CNTN4: variants seen among roughly 807,000 people sequenced by gnomAD.
The protein encoded by CNTN4 is contactin-4.
CNTN4 carries 77 observed loss-of-function variants against 122.5 expected under a neutral mutation model. The observed-to-expected ratio is 0.63, with a 90% CI of 0.52 to 0.76. CNTN4 has a LOEUF of 0.76. Among genes scored for constraint, CNTN4 ranks in the 30% least tolerant of loss-of-function variants. CNTN4 has a pLI of 0.00. For synonymous variants in CNTN4, 512 were observed against 447.0 expected, an observed-to-expected ratio of 1.15 and a Z score of -1.83; for missense variants, 1,256 against 1,259.1, an observed-to-expected ratio of 1.00 and a Z score of 0.04.
At chr3:2,489,701 G>C (rs914717559) in intron 3 of CNTN4, among the ~76,000 whole-genome samples, 1 of 152,168 alleles carries the variant, frequency 6.6e-6, no homozygotes, top group Admixed American at 6.5e-5. Flanking sequence ...TTTAAAAAAT[G>C]TTTCTATAGG....
rs1367061497 is a variant in CNTN4 at position 2,652,021 on chromosome 3, GT to G, written c.55+80476del. 3.9e-3 allele frequency among the ~76,000 whole-genome samples: 564 copies of G among 143,768 alleles called. 4 individuals are homozygous for G. Among genetic ancestry groups the G allele is most frequent in the African/African-American group, 0.012 (455 of 39,498 alleles). The allele number at this position is 143,768 out of a possible 152,430, so 94.3% of individuals were successfully genotyped here. A position where few individuals can be genotyped will look rare whatever the true frequency, so the allele number is the denominator to read the frequency against. On this transcript the variant is annotated intron_variant, in intron 4 of 24. Transcript: ENST00000418658. The stretch of plus-strand genomic sequence containing the variant: ...CGCACCTGGCCAAAAAAAAGGTGTT[GT>G]TTTTTTTTTTTTAAATAGCCAGGTA...
chr3:2,998,813 G>A (rs947406214), intron 14 of CNTN4, among the ~76,000 whole-genome samples: 1 of 152,134 alleles, frequency 6.6e-6, no homozygotes, highest in Non-Finnish European at 1.5e-5. Context: ...CAAATACTTT[G>A]ATTCCCTTTT....
chr3:2,333,747 A>C (rs556706648), intron 2 of CNTN4, among the ~76,000 whole-genome samples: 1 of 152,318 alleles, frequency 6.6e-6, no homozygotes, highest in East Asian at 1.9e-4. Flanking sequence ...AAATGCATTT[A>C]AATGTAATCT....
chr3:2,186,031 T>G (rs2037240218), intron 2 of CNTN4, among the ~76,000 whole-genome samples: 1 of 152,174 alleles, frequency 6.6e-6, no homozygotes, highest in Non-Finnish European at 1.5e-5. Context: ...GCTGCACCCA[T>G]TAACTCGTCA....
At chr3:2,399,236 C>T (rs1254010219) in intron 3 of CNTN4, among the ~76,000 whole-genome samples, 3 of 152,000 alleles carry the variant, frequency 2.0e-5, no homozygotes, top group African/African-American at 4.8e-5. Flanking sequence ...GTTTAGATTC[C>T]TTATCACCAG....
At chr3:2,334,997 C>T (rs957383833) in intron 2 of CNTN4, among the ~76,000 whole-genome samples, 20 of 152,218 alleles carry the variant, frequency 1.3e-4, no homozygotes, top group Non-Finnish European at 5.9e-5. Flanking sequence ...TGACCTAGAC[C>T]TTGCCAGCTG....
chr3:2,930,928 T>G (rs1050659414), intron 13 of CNTN4, among the ~76,000 whole-genome samples: 4 of 152,228 alleles, frequency 2.6e-5, no homozygotes, highest in Non-Finnish European at 2.9e-5. Flanking sequence ...ATAAAGGTGA[T>G]GTATTGAGAA....
intron 2 of CNTN4, among the ~76,000 whole-genome samples, chr3:2,116,208 T>C (rs549141941): frequency 6.6e-6 from 1 of 152,268 alleles, no homozygotes. Flanking sequence ...ATACCCAGTT[T>C]ACTGTTATCC....
In CNTN4 at chr3:2,900,820, G is replaced by A. The variant is rs747363869; in HGVS notation, c.1076G>A (p.Arg359Gln). The A allele has an allele frequency of 1.4e-5, 23 of 1,613,646 alleles. No homozygotes were observed. The East Asian group carries it at 2.2e-4, about 16-fold the overall frequency. Residue 359 changes from arginine (R) to glutamine (Q), a missense_variant and splice_region_variant, in exon 11 of 25, where the codon CGG (arginine) becomes CAG (glutamine). By Grantham distance (43) the Arg-to-Gln change is conservative (BLOSUM62 1). Transcript: ENST00000418658. ...AAAAATGGCGAACCTCTGCTAACTC[G>A]GGTAAGCAAGTTAATGGTAATTGTG... Reference protein sequence around the residue: ...WLKNGEPLLTRDRIQIEQGTL... With the variant: ...WLKNGEPLLTQDRIQIEQGTL...
chr3:2,218,168 C>T (rs928481237), intron 2 of CNTN4, among the ~76,000 whole-genome samples: 1 of 152,046 alleles, frequency 6.6e-6, no homozygotes, highest in Admixed American at 6.5e-5. Context: ...GAGACAATAA[C>T]GGCTTTTTAT....
At chr3:2,735,058 A>C (rs1283671046) in intron 4 of CNTN4, among the ~76,000 whole-genome samples, 2 of 152,264 alleles carry the variant, frequency 1.3e-5, no homozygotes, top group East Asian at 3.8e-4. Context: ...TTGGTACCAC[A>C]AGAGATACAA....
At chr3:2,663,063 C>T (rs981477459) in intron 4 of CNTN4, among the ~76,000 whole-genome samples, 1 of 151,798 alleles carries the variant, frequency 6.6e-6, no homozygotes, top group Non-Finnish European at 1.5e-5. Flanking sequence ...GATCACGCCA[C>T]TGCACTCCAT....
intron 3 of CNTN4, among the ~76,000 whole-genome samples, chr3:2,350,467 A>G (rs1034094063): frequency 2.0e-5 from 3 of 152,182 alleles, no homozygotes; most frequent in African/African-American, 4.8e-5. Context: ...ACAAGGACAG[A>G]TTTGTCCTGA....
chr3:2,302,049 G>T (rs1431759002), intron 2 of CNTN4, among the ~76,000 whole-genome samples: 1 of 152,216 alleles, frequency 6.6e-6, no homozygotes, highest in Non-Finnish European at 1.5e-5. Flanking sequence ...AATTGGAACT[G>T]ATCTTAAACC....
intron 4 of CNTN4, among the ~76,000 whole-genome samples, chr3:2,714,274 G>T (rs1303892856): frequency 2.0e-5 from 3 of 152,078 alleles, no homozygotes; most frequent in African/African-American, 7.2e-5. Context: ...TGTAAGTAAT[G>T]GTTCTAACAT....
At chr3:2,535,003 C>T (rs1575888436) in intron 3 of CNTN4, among the ~76,000 whole-genome samples, 1 of 152,208 alleles carries the variant, frequency 6.6e-6, no homozygotes, top group African/African-American at 2.4e-5. Flanking sequence ...AGCCTTGCTT[C>T]AGCTCTAAAG....
intron 2 of CNTN4, among the ~76,000 whole-genome samples, chr3:2,114,081 A>G (rs1221460607): frequency 6.6e-6 from 1 of 152,196 alleles, no homozygotes; most frequent in Non-Finnish European, 1.5e-5. Context: ...TGGTAGTTTC[A>G]TCGAGATGAT....
chr3:2,837,806 T>G (rs1284560438), intron 7 of CNTN4, among the ~76,000 whole-genome samples: 1 of 152,204 alleles, frequency 6.6e-6, no homozygotes, highest in African/African-American at 2.4e-5. Flanking sequence ...GTCCGCAGCC[T>G]GCAAGTGGCT....
At chr3:2,966,518 G>A (rs576212084) in intron 13 of CNTN4, among the ~76,000 whole-genome samples, 12 of 152,208 alleles carry the variant, frequency 7.9e-5, no homozygotes, top group East Asian at 3.9e-4. Context: ...TAATGGATAC[G>A]AAAATGTAGT....
Sources: gnomAD v4.1 joint callset for allele counts (sites outside exome capture counted in the v4.1 genomes callset) on GRCh38, gnomAD v4.1.1 for gene constraint, MANE v1.5 for transcripts, NCBI Gene and HGNC (gene_info 2026-07-23, HGNC 2026-07-21) for gene names.